Variants in NPNT observed in about 807,000 individuals in gnomAD.
NPNT encodes the protein preosteoblast EGF-like repeat protein with MAM domain.
NPNT carries 45 observed loss-of-function variants against 68.6 expected under a neutral mutation model. The ratio of observed to expected loss-of-function variants is 0.66; its 90% CI spans 0.52 to 0.84. NPNT has a LOEUF of 0.84. NPNT is among the 40% of genes least tolerant of loss of function. The probability of loss-of-function intolerance (pLI) is 0.00; values close to 1 mark genes in which losing one functional copy is unlikely to be tolerated. For missense variants in NPNT, 672 were observed against 714.8 expected, an observed-to-expected ratio of 0.94 and a Z score of 0.68; for synonymous variants, 233 against 253.3, an observed-to-expected ratio of 0.92 and a Z score of 0.76.
intron 8 of NPNT, among the ~76,000 whole-genome samples, chr4:105,951,277 T>C (rs1730816482): frequency 6.6e-6 from 1 of 152,236 alleles, no homozygotes; most frequent in Admixed American, 6.5e-5. Flanking sequence ...GGTGCTCTTA[T>C]GAGTGGCCAT....
intron 2 of NPNT, among the ~76,000 whole-genome samples, chr4:105,920,395 T>TCAAAAAAAA (rs1728161212): frequency 1.3e-5 from 1 of 79,506 alleles, no homozygotes; most frequent in African/African-American, 5.1e-5. Context: ...GTTACTCTAC[T>TCAAAAAAAA]AAAAAAAAAA....
At chr4:105,902,599 A>T (rs1441411875) in intron 2 of NPNT, 2 of 152,200 alleles carry the variant, frequency 1.3e-5, no homozygotes, top group African/African-American at 4.8e-5. Flanking sequence ...GGCAAGGAAT[A>T]ATTTTGATTA....
chr4:105,931,977 C>T (rs908301150), intron 3 of NPNT, among the ~76,000 whole-genome samples: 4 of 152,166 alleles, frequency 2.6e-5, no homozygotes, highest in Non-Finnish European at 5.9e-5. Flanking sequence ...TTGAGTCTCA[C>T]CCATCTTATA....
At chr4:105,916,605 C>A (rs1045884156) in intron 2 of NPNT, among the ~76,000 whole-genome samples, 9 of 152,134 alleles carry the variant, frequency 5.9e-5, no homozygotes, top group African/African-American at 1.9e-4. Context: ...AGCCTAAATG[C>A]CACTTTCTCC....
intron 3 of NPNT, among the ~76,000 whole-genome samples, chr4:105,928,920 T>C (rs1418602806): frequency 1.7e-5 from 2 of 118,144 alleles, no homozygotes; most frequent in Non-Finnish European, 3.5e-5. Context: ...AAACTAATGA[T>C]TTATAGACAC....
chr4:105,924,871 A>G (rs991064003), intron 2 of NPNT, among the ~76,000 whole-genome samples: 1 of 152,112 alleles, frequency 6.6e-6, no homozygotes, highest in Non-Finnish European at 1.5e-5. Flanking sequence ...TCCAAATTCC[A>G]ATTATTTTAA....
intron 5 of NPNT, among the ~76,000 whole-genome samples, chr4:105,939,785 T>G (rs1296775348): frequency 6.6e-6 from 1 of 152,162 alleles, no homozygotes; most frequent in Non-Finnish European, 1.5e-5. Flanking sequence ...GAAAGAGGGT[T>G]GTTTCTAATT....
intron 4 of NPNT, among the ~76,000 whole-genome samples, chr4:105,937,510 A>G (rs1238014806): frequency 1.3e-5 from 2 of 151,096 alleles, no homozygotes; most frequent in African/African-American, 2.4e-5. Context: ...GACAGAATCC[A>G]TCAGGTCTGT....
intron 2 of NPNT, among the ~76,000 whole-genome samples, chr4:105,906,573 G>A (rs1726917509): frequency 6.6e-6 from 1 of 152,162 alleles, no homozygotes; most frequent in South Asian, 2.1e-4. Flanking sequence ...GGACAGCTCT[G>A]GATTAGACAA....
chr4:105,895,767 T>A (rs1725774791), intron 1 of NPNT, 44 bp downstream of exon 1: 1 of 1,480,746 alleles, frequency 6.8e-7, no homozygotes, highest in African/African-American at 1.4e-5. Context: ...CCCGCGCTAA[T>A]TTCACACTCA....
chr4:105,925,234 C>T (rs1728597231), intron 2 of NPNT, among the ~76,000 whole-genome samples: 1 of 152,032 alleles, frequency 6.6e-6, no homozygotes, highest in Admixed American at 6.6e-5. Context: ...GAATTTAATG[C>T]CATGTTTAAA....
At chr4:105,902,259 G>A (rs972515199) in intron 2 of NPNT, among the ~76,000 whole-genome samples, 3 of 152,198 alleles carry the variant, frequency 2.0e-5, no homozygotes, top group South Asian at 2.1e-4. Context: ...GCCACACATA[G>A]TGTTCCCTCC....
chr4:105,948,720 A>C (rs945587376), intron 8 of NPNT, among the ~76,000 whole-genome samples: 1 of 152,108 alleles, frequency 6.6e-6, no homozygotes, highest in African/African-American at 2.4e-5. Flanking sequence ...TCTCAGGCTC[A>C]AGCAATCCTC....
chr4:105,955,013 A>C (rs921432635), intron 8 of NPNT, among the ~76,000 whole-genome samples: 3 of 152,234 alleles, frequency 2.0e-5, no homozygotes, highest in African/African-American at 7.2e-5. Flanking sequence ...GACTGACTGC[A>C]TAAATGAGTG....
intron 3 of NPNT, among the ~76,000 whole-genome samples, chr4:105,933,769 G>A (rs558887562): frequency 2.0e-5 from 3 of 152,110 alleles, no homozygotes; most frequent in Non-Finnish European, 2.9e-5. Context: ...ATAATGCTGT[G>A]CAGCTTGCAT....
intron 8 of NPNT, among the ~76,000 whole-genome samples, chr4:105,943,283 C>T (rs533106250): frequency 1.2e-4 from 18 of 152,084 alleles, no homozygotes; most frequent in Non-Finnish European, 1.8e-4. Context: ...GAGGGCTTCC[C>T]GAGTGAAACG....
intron 1 of NPNT, 166 bp downstream of exon 1, chr4:105,895,889 G>C (rs561595649): frequency 3.2e-6 from 2 of 622,474 alleles, no homozygotes; most frequent in African/African-American, 3.8e-5. Flanking sequence ...CAGCGGCTCC[G>C]AGTGCCCGCC....
At chr4:105,956,236 C>T (rs1209730954) in intron 8 of NPNT, among the ~76,000 whole-genome samples, 1 of 152,102 alleles carries the variant, frequency 6.6e-6, no homozygotes, top group African/African-American at 2.4e-5. Context: ...CCATTGTGAA[C>T]TCCTTTCTTT....
At chr4:105,904,155 C>G (rs984829889) in intron 2 of NPNT, among the ~76,000 whole-genome samples, 3 of 152,140 alleles carry the variant, frequency 2.0e-5, no homozygotes, top group Admixed American at 6.5e-5. Context: ...AAGTCTCTTA[C>G]TGATGAACAT....
Sources: allele counts gnomAD v4.1 joint callset (sites outside exome capture counted in the v4.1 genomes callset), GRCh38; gene constraint gnomAD v4.1.1; transcripts MANE v1.5; gene names NCBI Gene and HGNC (gene_info 2026-07-23, HGNC 2026-07-21).